LPP: variants seen among roughly 807,000 people sequenced by gnomAD.
LPP encodes LIM domain containing preferred translocation partner in lipoma.
Under a neutral mutation model 60.4 loss-of-function variants are expected in LPP, and 38 were observed. The observed-to-expected ratio is 0.63, with a 90% CI of 0.49 to 0.83. The LOEUF (loss-of-function observed/expected upper bound fraction) is 0.83, where lower values mean the gene tolerates loss of function less well. Among genes scored for constraint, LPP ranks in the 40% least tolerant of loss-of-function variants. The pLI, the probability that LPP is intolerant of heterozygous loss-of-function variation, is 0.00. For missense variants in LPP, 902 were observed against 783.6 expected (o/e 1.15, Z -1.80); for synonymous variants, 328 against 290.8 (o/e 1.13, Z -1.30).
At chr3:188,539,367 A>G (rs1824506986) in intron 6 of LPP, among the ~76,000 whole-genome samples, 1 of 152,180 alleles carries the variant, frequency 6.6e-6, no homozygotes, top group Middle Eastern at 3.2e-3. Context: ...AAAAGGAAGA[A>G]ATCTACCTGG....
chr3:188,493,062 C>A (rs1339952864), intron 5 of LPP, among the ~76,000 whole-genome samples: 1 of 151,856 alleles, frequency 6.6e-6, no homozygotes, highest in Non-Finnish European at 1.5e-5. Flanking sequence ...CTTTTTTGTT[C>A]TTTTTTTCTG....
At chr3:188,376,290 AT>A (rs1775058962) in intron 3 of LPP, among the ~76,000 whole-genome samples, 1 of 151,492 alleles carries the variant, frequency 6.6e-6, no homozygotes, top group Admixed American at 6.6e-5. Flanking sequence ...GATCTGTCTA[AT>A]GTTGACAGTG....
chr3:188,504,149 T>A (rs1298684964), intron 5 of LPP, among the ~76,000 whole-genome samples: 1 of 152,214 alleles, frequency 6.6e-6, no homozygotes, highest in Non-Finnish European at 1.5e-5. Context: ...TTCTTTCTGA[T>A]TCTTAGACTA....
intron 2 of LPP, among the ~76,000 whole-genome samples, chr3:188,264,267 G>A (rs1734663172): frequency 6.6e-6 from 1 of 151,876 alleles, no homozygotes. Flanking sequence ...TTGTGTGTGT[G>A]TGTGAGAGAG....
At chr3:188,797,217 A>G (rs1299107502) in intron 9 of LPP, among the ~76,000 whole-genome samples, 1 of 152,090 alleles carries the variant, frequency 6.6e-6, no homozygotes, top group East Asian at 1.9e-4. Context: ...TGGTAACCTA[A>G]CATAGCAGGG....
intron 1 of LPP, among the ~76,000 whole-genome samples, chr3:188,171,155 AC>A (rs1301412196): frequency 6.6e-6 from 1 of 152,194 alleles, no homozygotes; most frequent in African/African-American, 2.4e-5. Context: ...GGGCCTTTTA[AC>A]TAGAAAATGT....
chr3:188,624,602 C>T (rs760200723), intron 7 of LPP, among the ~76,000 whole-genome samples: 4 of 152,184 alleles, frequency 2.6e-5, no homozygotes, highest in Non-Finnish European at 5.9e-5. Context: ...ACTGTTCAGC[C>T]TTCTGTGGCA....
At chr3:188,203,817 A>G (rs1225426009) in intron 1 of LPP, among the ~76,000 whole-genome samples, 5 of 150,408 alleles carry the variant, frequency 3.3e-5, no homozygotes, top group African/African-American at 1.2e-4. Context: ...GGGAAGAGAG[A>G]GTGGTGTGTG....
chr3:188,422,981 G>C (rs953844249), intron 4 of LPP, among the ~76,000 whole-genome samples: 9 of 144,578 alleles, frequency 6.2e-5, no homozygotes, highest in African/African-American at 2.0e-4. Context: ...TTAACTTCTA[G>C]GATACATGTG....
intron 6 of LPP, among the ~76,000 whole-genome samples, chr3:188,569,332 G>A (rs1832966149): frequency 1.3e-5 from 2 of 151,836 alleles, no homozygotes; most frequent in African/African-American, 4.8e-5. Context: ...AGGAAAAAAT[G>A]AGAAGCATGC....
In LPP at chr3:188,611,350, A is replaced by G. The variant is rs528545160; in HGVS notation, c.1113+1506A>G. The stretch of plus-strand genomic sequence containing the variant: ...AGTTTTTTATTTCTTTTTAAAATGA[A>G]TTTGTCCATAATAGCCAATCTGGAC... On this transcript the variant is annotated intron_variant, in intron 7 of 11. Transcript: ENST00000617246. Among the ~76,000 whole-genome samples, 200 of 152,308 alleles carry G rather than the reference A, an allele frequency of 1.3e-3. 1 individual carries two copies. Among genetic ancestry groups the G allele is most frequent in the African/African-American group, 4.7e-3 (194 of 41,556 alleles).
At chr3:188,545,954 C>T (rs1826539215) in intron 6 of LPP, among the ~76,000 whole-genome samples, 1 of 152,126 alleles carries the variant, frequency 6.6e-6, no homozygotes, top group Admixed American at 6.5e-5. Context: ...ACAGTACAGC[C>T]TGCCATTATA....
intron 6 of LPP, among the ~76,000 whole-genome samples, chr3:188,564,404 G>A (rs963165388): frequency 5.3e-5 from 8 of 151,936 alleles, no homozygotes; most frequent in Admixed American, 1.3e-4. Flanking sequence ...GTGTTGTTGT[G>A]CTTTATAAGC....
Position 188,610,908 on chromosome 3 carries a change from G to C in LPP, c.1113+1064G>C, listed in dbSNP as rs1336414540. Among the ~76,000 whole-genome samples, 1 of 152,204 alleles carries C rather than the reference G, an allele frequency of 6.6e-6. No homozygotes were observed. The highest frequency in any genetic ancestry group is 1.5e-5 in the Non-Finnish European group (1 of 68,042). ...TCAGAAATTTGAGAGCCCTCAATTA[G>C]CTAGAAGTTCAATGGTAGTTTTGGG... On this transcript the variant is annotated intron_variant, in intron 7 of 11. Coordinates refer to ENST00000617246, the MANE Select transcript of LPP (RefSeq NM_001375462.1). This position sits in a 1 kb window ranked among gnomAD's most constrained non-coding sequence, Gnocchi z 4.4.
At chr3:188,768,335 G>A (rs9839221) in intron 9 of LPP, among the ~76,000 whole-genome samples, 32,160 of 151,956 alleles carry the variant, frequency 0.21, 3,829 homozygotes, top group Middle Eastern at 0.29. Context: ...ACCTAACCTA[G>A]GTTACCCCCA....
intron 3 of LPP, among the ~76,000 whole-genome samples, chr3:188,385,925 C>T (rs1034418404): frequency 2.0e-5 from 3 of 152,042 alleles, no homozygotes; most frequent in Admixed American, 6.6e-5. Flanking sequence ...TGCATTTAAC[C>T]CCAAAATTAT....
rs554406250 is a variant in LPP at position 188,801,613 on chromosome 3, A to G, written c.1410+41331A>G. Among the ~76,000 whole-genome samples the G allele has an allele frequency of 9.1e-4, 138 of 152,330 alleles. 2 individuals carry two copies. The South Asian group carries it at 0.027, about 30-fold the overall frequency. Reference sequence around the variant, plus strand: ...TTTTAATTCTATAAATAGCGAATCTATGTAGACACTCAGCTAGTTAGTACC... The same window carrying G: ...TTTTAATTCTATAAATAGCGAATCTGTGTAGACACTCAGCTAGTTAGTACC... On this transcript the variant is annotated intron_variant, in intron 9 of 11. Transcript: ENST00000617246.
Position 188,374,479 on chromosome 3 carries a change from G to A in LPP, c.-9-31633G>A, listed in dbSNP as rs1204133337. On this transcript the variant is annotated intron_variant, in intron 3 of 11. Transcript: ENST00000617246. ...TATTCTCTTTGAAGCAATTGTGAAC[G>A]GGAGTTCACTCATGATTTGGCTCTC... Among the ~76,000 whole-genome samples, 9 of 152,192 alleles carry A rather than the reference G, an allele frequency of 5.9e-5. No individual in the cohort carries two copies. In the South Asian group the frequency reaches 6.2e-4, roughly 11 times the overall value.
intron 6 of LPP, chr3:188,568,434 T>C (rs978748448): frequency 5.9e-5 from 9 of 152,006 alleles, no homozygotes; most frequent in African/African-American, 2.2e-4. Flanking sequence ...TCAACCGATA[T>C]TGAGCATCTG....
Sources: gnomAD v4.1 joint callset for allele counts (sites outside exome capture counted in the v4.1 genomes callset) on GRCh38, gnomAD v4.1.1 for gene constraint, Gnocchi (gnomAD v3.1) non-coding constraint, MANE v1.5 for transcripts, NCBI Gene and HGNC (gene_info 2026-07-23, HGNC 2026-07-21) for gene names.